Variants in PRKAG2 observed in about 807,000 individuals in gnomAD.
PRKAG2 encodes the protein 5'-AMP-activated protein kinase subunit gamma-2.
In PRKAG2, 26 loss-of-function variants were observed where a neutral mutation model predicts 69.6. The ratio of observed to expected loss-of-function variants is 0.37; its 90% CI spans 0.27 to 0.52. The LOEUF (loss-of-function observed/expected upper bound fraction) is 0.52, where lower values mean the gene tolerates loss of function less well. Ranked by LOEUF, PRKAG2 falls within the 20% of genes least tolerant of loss-of-function variation. PRKAG2 has a pLI of 0.90. For missense variants in PRKAG2, 557 were observed against 740.0 expected (o/e 0.75, Z 2.87); for synonymous variants, 293 against 285.0 (o/e 1.03, Z -0.28).
intron 5 of PRKAG2, among the ~76,000 whole-genome samples, chr7:151,608,113 G>A (rs1434432730): frequency 6.6e-6 from 1 of 152,142 alleles, no homozygotes; most frequent in African/African-American, 2.4e-5. Flanking sequence ...AGCCAAGGAT[G>A]CCAAGGACTG....
At chr7:151,770,186 C>T (rs1394951177) in intron 3 of PRKAG2, among the ~76,000 whole-genome samples, 1 of 152,162 alleles carries the variant, frequency 6.6e-6, no homozygotes, top group African/African-American at 2.4e-5. Context: ...TCGACACAAC[C>T]GACCAGCATT....
At chr7:151,755,122 G>A (rs1016933612) in intron 3 of PRKAG2, among the ~76,000 whole-genome samples, 1 of 152,162 alleles carries the variant, frequency 6.6e-6, no homozygotes, top group Non-Finnish European at 1.5e-5. Context: ...GGTCCTTTAT[G>A]TACATCGGCC....
intron 4 of PRKAG2, 44 bp downstream of exon 4, chr7:151,675,376 C>A (rs1832749628): frequency 6.3e-7 from 1 of 1,576,972 alleles, no homozygotes; most frequent in South Asian, 1.1e-5. Flanking sequence ...TCTGCCCTCC[C>A]TCTGCCACCC....
At chr7:151,579,767 C>A (rs542064566) in intron 6 of PRKAG2, among the ~76,000 whole-genome samples, 11 of 151,892 alleles carry the variant, frequency 7.2e-5, no homozygotes, top group Non-Finnish European at 1.5e-4. Context: ...ACGTCATAGA[C>A]AAGATGCTAA....
rs61746358 is a variant in PRKAG2 at position 151,781,368 on chromosome 7, G to A, written c.250C>T (p.Arg84Trp). ...GGTGCAGACATGGGGCTGGAGGGCC[G>A]GGGCTGGGGGCCTCTGGAGAAGAAC... is the stretch of plus-strand genomic sequence containing the variant. Reference protein sequence around the residue: ...KGFFSRGPQPRPSSPMSAPVR... With the variant: ...KGFFSRGPQPWPSSPMSAPVR... Residue 84 changes from arginine (R) to tryptophan (W), a missense_variant, in exon 3 of 16, where the codon CGG (arginine) becomes TGG (tryptophan). Arg to Trp is a moderately radical substitution (Grantham distance 101). Around this residue, in one of 2 missense-constraint regions of PRKAG2, gnomAD observed 352 missense variants for 356.7 expected, o/e 0.99. Coordinates refer to ENST00000287878, the MANE Select transcript of PRKAG2 (RefSeq NM_016203.4). This position sits in a 1 kb window ranked among gnomAD's most constrained non-coding sequence, Gnocchi z 6.1. 146 of 1,613,010 alleles carry A rather than the reference G, an allele frequency of 9.1e-5. No individual in the cohort carries two copies. In the African/African-American group the frequency reaches 1.5e-3, roughly 17 times the overall value.
At chr7:151,731,511 T>C (rs1489094803) in intron 3 of PRKAG2, among the ~76,000 whole-genome samples, 2 of 144,278 alleles carry the variant, frequency 1.4e-5, no homozygotes, top group Admixed American at 6.9e-5. Flanking sequence ...TTGATGGCTG[T>C]GGGGAGAGCT....
chr7:151,658,191 AAATAAG>A (rs1829764794), intron 4 of PRKAG2, among the ~76,000 whole-genome samples: 1 of 145,664 alleles, frequency 6.9e-6, no homozygotes, highest in African/African-American at 2.5e-5. Context: ...ATAAATAAAT[AAATAAG>A]AATAATAGGG....
At chr7:151,785,104 T>C (rs1164568925) in intron 2 of PRKAG2, among the ~76,000 whole-genome samples, 2 of 152,218 alleles carry the variant, frequency 1.3e-5, no homozygotes, top group African/African-American at 4.8e-5. Flanking sequence ...TTGACAAGAC[T>C]CCCAAGTGTG....
intron 3 of PRKAG2, among the ~76,000 whole-genome samples, chr7:151,715,566 G>A (rs1159061980): frequency 2.0e-5 from 3 of 152,124 alleles, no homozygotes; most frequent in Non-Finnish European, 4.4e-5. Flanking sequence ...ATATTGGTCA[G>A]GCTGGTCTCG....
At chr7:151,808,598 G>T (rs55793576) in intron 1 of PRKAG2, among the ~76,000 whole-genome samples, 1 of 151,754 alleles carries the variant, frequency 6.6e-6, no homozygotes. Context: ...TTGTTGGGGG[G>T]GCTTGAGGCT....
chr7:151,627,991 A>G (rs1823422838), intron 5 of PRKAG2, among the ~76,000 whole-genome samples: 1 of 152,158 alleles, frequency 6.6e-6, no homozygotes, highest in African/African-American at 2.4e-5. Flanking sequence ...AATCTTTGCA[A>G]GTGAAGAAGA....
intron 1 of PRKAG2, among the ~76,000 whole-genome samples, chr7:151,838,756 G>C: frequency 6.6e-6 from 1 of 150,544 alleles, no homozygotes; most frequent in East Asian, 2.0e-4. Context: ...GGCTCACACC[G>C]GTAATCCCAA....
intron 1 of PRKAG2, among the ~76,000 whole-genome samples, chr7:151,808,515 C>G (rs1197864097): frequency 6.6e-6 from 1 of 151,952 alleles, no homozygotes; most frequent in Admixed American, 6.6e-5. Context: ...CATGGCTGAG[C>G]GCCTGGTGAT....
chr7:151,704,587 C>T (rs1838287632), intron 3 of PRKAG2, among the ~76,000 whole-genome samples: 1 of 152,218 alleles, frequency 6.6e-6, no homozygotes, highest in South Asian at 2.1e-4. Context: ...TATGAACATT[C>T]TATACATATG....
At chr7:151,580,620 G>A (rs1166000164) in intron 6 of PRKAG2, among the ~76,000 whole-genome samples, 1 of 152,154 alleles carries the variant, frequency 6.6e-6, no homozygotes, top group African/African-American at 2.4e-5. Context: ...ATTATTAAAA[G>A]ATGGAAAGTA....
rs769428744 is a variant in PRKAG2 at position 151,574,893 on chromosome 7, T to C, written c.1003A>G (p.Met335Val). 3 of 1,613,662 alleles carry C rather than the reference T, an allele frequency of 1.9e-6. No homozygotes were observed. Among genetic ancestry groups the C allele is most frequent in the South Asian group, 2.2e-5 (2 of 91,078 alleles). ...NILHRYYKSP[M>V]VQIYELEEHK... is the part of the protein sequence containing the mutation. ...ACATAGGAACTGGTGCCACTTACCA[T>C]AGGTGATTTATAGTATCTATGTAGT... Residue 335 changes from methionine (M) to valine (V), a missense_variant and splice_region_variant, in exon 8 of 16, where the codon ATG becomes GTG. Met to Val is a conservative substitution (Grantham distance 21). Transcript: ENST00000287878.
intron 13 of PRKAG2, among the ~76,000 whole-genome samples, chr7:151,565,018 G>A (rs1440040914): frequency 2.0e-5 from 3 of 152,162 alleles, no homozygotes; most frequent in African/African-American, 7.2e-5. Flanking sequence ...TGTGCACTGC[G>A]CACGCGTCTA....
At chr7:151,661,413 T>C (rs940486177) in intron 4 of PRKAG2, among the ~76,000 whole-genome samples, 3 of 152,154 alleles carry the variant, frequency 2.0e-5, no homozygotes. Flanking sequence ...CCTGACCTCA[T>C]ATGATCCAAC....
intron 4 of PRKAG2, among the ~76,000 whole-genome samples, chr7:151,669,869 CTTG>C (rs1831607924): frequency 1.2e-4 from 1 of 8,024 alleles, no homozygotes; most frequent in African/African-American, 3.5e-4. Context: ...TGCATACATA[CTTG>C]CACACACAGT....
Sources: gnomAD v4.1 joint callset for allele counts (sites outside exome capture counted in the v4.1 genomes callset) on GRCh38, gnomAD v4.1.1 for gene constraint, gnomAD v4.1.1 regional missense constraint, Gnocchi (gnomAD v3.1) non-coding constraint, MANE v1.5 for transcripts, NCBI Gene and HGNC (gene_info 2026-07-23, HGNC 2026-07-21) for gene names.